The following RMP64 variants were observed in gnomAD, a reference collection of about 807,000 sequenced individuals.
RMP64 encodes nucleolus and neural progenitor protein.
At chr3:113,010,785 A>G in the RMP64 span, 1 of 1,180,778 alleles carries the variant, frequency 8.5e-7, no homozygotes, top group South Asian at 1.3e-5. Flanking sequence ...AGTGCATGAC[A>G]TTTCTTGCCA....
chr3:113,010,587 G>A, the RMP64 span: 2 of 1,368,506 alleles, frequency 1.5e-6, no homozygotes, highest in Non-Finnish European at 2.1e-6. Flanking sequence ...TTGGTAAGAA[G>A]CATCCTCTAC....
At chr3:113,013,894 T>G in the RMP64 span, 1 of 1,120,984 alleles carries the variant, frequency 8.9e-7, no homozygotes. Context: ...CAAAGGGAGA[T>G]CACAAGACAT....
At chr3:113,005,937 T>C in the RMP64 span, 4 of 1,613,938 alleles carry the variant, frequency 2.5e-6, no homozygotes, top group East Asian at 8.9e-5. Context: ...TTTGAAGTTT[T>C]GATACCTGAG....
chr3:113,019,653 G>GC, the RMP64 span: 6 of 1,611,274 alleles, frequency 3.7e-6, no homozygotes, highest in Non-Finnish European at 5.1e-6. Context: ...ATCATGCGAG[G>GC]CGGGGGGACT....
At chr3:113,013,516 GA>G in the RMP64 span, 1 of 974,538 alleles carries the variant, frequency 1.0e-6, no homozygotes, top group Non-Finnish European at 1.5e-6. Flanking sequence ...ACAAAGGATT[GA>G]AACAAAGAGA....
At chr3:113,009,257 A>G in the RMP64 span, among the ~76,000 whole-genome samples, 18 of 152,150 alleles carry the variant, frequency 1.2e-4, no homozygotes, top group African/African-American at 3.9e-4. Context: ...TATGCTGCCT[A>G]CGAGATGATC....
the RMP64 span, chr3:113,011,331 A>G: frequency 1.9e-6 from 3 of 1,613,286 alleles, no homozygotes; most frequent in South Asian, 2.2e-5. Flanking sequence ...GTTGAATCCT[A>G]GCGACCTCTT....
chr3:113,006,171 TGA>T, the RMP64 span, among the ~76,000 whole-genome samples: 2 of 152,218 alleles, frequency 1.3e-5, no homozygotes, highest in Non-Finnish European at 2.9e-5. Context: ...GTCTGTTTTT[TGA>T]GAGCACAAAT....
At chr3:113,009,073 A>G in the RMP64 span, among the ~76,000 whole-genome samples, 1 of 152,224 alleles carries the variant, frequency 6.6e-6, no homozygotes, top group Admixed American at 6.5e-5. Flanking sequence ...CCAGCAGAAT[A>G]AGCCCATTAA....
chr3:113,005,488 T>C, the RMP64 span: 58 of 1,234,404 alleles, frequency 4.7e-5, no homozygotes, highest in Non-Finnish European at 6.6e-5. Flanking sequence ...CTTAGAACAC[T>C]GAACTAGCCT....
chr3:113,013,920 C>T, the RMP64 span: 3 of 1,460,142 alleles, frequency 2.1e-6, no homozygotes, highest in Admixed American at 1.7e-5. Flanking sequence ...TCCCAGCCCA[C>T]CACATCACAA....
chr3:113,008,512 A>G, the RMP64 span: 1 of 1,218,830 alleles, frequency 8.2e-7, no homozygotes, highest in Admixed American at 2.1e-5. Context: ...GCTAGCTCAC[A>G]ATCAAAATTT....
At chr3:113,012,703 GA>G in the RMP64 span, 2 of 1,221,204 alleles carry the variant, frequency 1.6e-6, no homozygotes, top group African/African-American at 1.5e-5. Context: ...AGATGAGAAA[GA>G]AATGAAGGAT....
At chr3:113,008,244 C>T in the RMP64 span, 3 of 1,614,116 alleles carry the variant, frequency 1.9e-6, no homozygotes, top group Non-Finnish European at 2.5e-6. Flanking sequence ...ATGGCCTGAG[C>T]CTTGAGTTTT....
chr3:113,003,595 A>AAGTAAAGG, the RMP64 span: 2 of 152,260 alleles, frequency 1.3e-5, no homozygotes, highest in Non-Finnish European at 2.9e-5. Flanking sequence ...TGGGAAAATG[A>AAGTAAAGG]GAGGAGATGA....
the RMP64 span, among the ~76,000 whole-genome samples, chr3:113,007,838 C>T: frequency 6.6e-6 from 1 of 152,154 alleles, no homozygotes. Flanking sequence ...CCCAGAAGAC[C>T]CTGAGCTCCC....
At chr3:113,015,559 T>C in the RMP64 span, among the ~76,000 whole-genome samples, 1 of 150,898 alleles carries the variant, frequency 6.6e-6, no homozygotes, top group African/African-American at 2.4e-5. Context: ...CAGCATGCCC[T>C]ACATGTACTC....
chr3:113,012,075 A>AT, the RMP64 span, among the ~76,000 whole-genome samples: 19 of 152,220 alleles, frequency 1.2e-4, no homozygotes, highest in Non-Finnish European at 1.9e-4. Flanking sequence ...CTTCTTACAG[A>AT]TACGGGCAAA....
chr3:113,013,450 GGTTT>G, the RMP64 span: 2 of 1,442,162 alleles, frequency 1.4e-6, no homozygotes, highest in East Asian at 2.4e-5. Context: ...AAAAAAAAAG[GGTTT>G]TTTTTTTGTT....
Sources: allele counts gnomAD v4.1 joint callset (sites outside exome capture counted in the v4.1 genomes callset), GRCh38; gene constraint gnomAD v4.1.1; transcripts MANE v1.5; gene names NCBI Gene and HGNC (gene_info 2026-07-23, HGNC 2026-07-21).